The following SLIT3 variants were observed in gnomAD, a reference collection of about 807,000 sequenced individuals.
SLIT3 encodes slit homolog 3 protein.
A neutral mutation model predicts 184.0 loss-of-function variants in SLIT3; 68 were observed. The ratio of observed to expected loss-of-function variants is 0.37; its 90% confidence interval spans 0.30 to 0.45. The LOEUF (loss-of-function observed/expected upper bound fraction) is 0.45, where lower values mean the gene tolerates loss of function less well. Ranked by LOEUF, SLIT3 falls within the 20% of genes least tolerant of loss-of-function variation. The probability of loss-of-function intolerance (pLI) is 1.00; values close to 1 mark genes in which losing one functional copy is unlikely to be tolerated. For missense variants in SLIT3, 1,707 were observed against 2,026.0 expected (o/e 0.84, Z 3.02); for synonymous variants, 831 against 828.6 (o/e 1.00, Z -0.05).
chr5:169,076,437 C>T (rs1758744740), intron 4 of SLIT3, among the ~76,000 whole-genome samples: 1 of 152,214 alleles, frequency 6.6e-6, no homozygotes. Flanking sequence ...CCCTCTCCAT[C>T]TCCCTGCCTC....
At chr5:168,756,560 G>A (rs536170986) in intron 16 of SLIT3, among the ~76,000 whole-genome samples, 1 of 152,306 alleles carries the variant, frequency 6.6e-6, no homozygotes, top group South Asian at 2.1e-4. Context: ...CAGCAGACTC[G>A]CAGACTGGAT....
chr5:169,044,385 C>A (rs759102443), intron 4 of SLIT3, among the ~76,000 whole-genome samples: 12 of 152,018 alleles, frequency 7.9e-5, no homozygotes, highest in Non-Finnish European at 7.4e-5. Context: ...GTGGAACATG[C>A]AATGGAATAT....
At chr5:168,775,550 G>A (rs1393823847) in intron 12 of SLIT3, among the ~76,000 whole-genome samples, 2 of 151,950 alleles carry the variant, frequency 1.3e-5, no homozygotes, top group African/African-American at 4.8e-5. Flanking sequence ...TTCCCTCCTG[G>A]CACTCATCGC....
rs1241851585 is a variant in SLIT3, at chr5:168,844,756, C to T, written c.486-101G>A. ...GCCTGTCCCTCCACCCCCTTGCAGG[C>T]GCTGCTGGTCCCCGCCAGGAGCTCG... On this transcript the variant is annotated intron_variant, in intron 5 of 35. Coordinates refer to ENST00000519560, the MANE Select transcript of SLIT3 (RefSeq NM_003062.4). 7 of 1,005,814 alleles carry T rather than the reference C, an allele frequency of 7.0e-6. No individual in the cohort carries two copies. The East Asian group carries it at 7.4e-5, about 11-fold the overall frequency. 62.3% of individuals were successfully genotyped at this position (1,005,814 alleles called of 1,614,324 possible).
chr5:169,109,082 T>G (rs1337303107), intron 4 of SLIT3, among the ~76,000 whole-genome samples: 16 of 152,192 alleles, frequency 1.1e-4, no homozygotes, highest in East Asian at 5.8e-4. Context: ...GGGATGTCAC[T>G]CTTTTGATGA....
chr5:169,041,356 A>T (rs2113023852), intron 4 of SLIT3, among the ~76,000 whole-genome samples: 1 of 152,278 alleles, frequency 6.6e-6, no homozygotes, highest in African/African-American at 2.4e-5. Flanking sequence ...ACAAACATGC[A>T]CACAGGTAAT....
intron 11 of SLIT3, among the ~76,000 whole-genome samples, chr5:168,788,048 T>A (rs1433089399): frequency 6.6e-6 from 1 of 152,096 alleles, no homozygotes; most frequent in African/African-American, 2.4e-5. Flanking sequence ...AGCATGCCAA[T>A]TTCATGTTTG....
intron 1 of SLIT3, among the ~76,000 whole-genome samples, chr5:169,293,406 T>G (rs1006645712): frequency 6.6e-6 from 1 of 151,984 alleles, no homozygotes; most frequent in African/African-American, 2.4e-5. Context: ...CTTCGTGTGG[T>G]TGGAACTTGG....
At chr5:168,985,756 C>T (rs1049553002) in intron 4 of SLIT3, among the ~76,000 whole-genome samples, 3 of 152,170 alleles carry the variant, frequency 2.0e-5, no homozygotes, top group South Asian at 4.2e-4. Context: ...CTGTGGTGGC[C>T]GTCTTGCTAC....
intron 9 of SLIT3, among the ~76,000 whole-genome samples, chr5:168,799,876 A>T (rs1365114513): frequency 6.6e-6 from 1 of 152,096 alleles, no homozygotes; most frequent in Non-Finnish European, 1.5e-5. Context: ...CAATTTTCCT[A>T]AGGTCAGGTA....
intron 4 of SLIT3, among the ~76,000 whole-genome samples, chr5:168,964,064 G>C (rs947488136): frequency 6.6e-6 from 1 of 152,106 alleles, no homozygotes; most frequent in African/African-American, 2.4e-5. Context: ...GAAATGCAGG[G>C]GGCTACATAA....
chr5:168,909,505 A>C (rs1761186091), intron 4 of SLIT3, among the ~76,000 whole-genome samples: 1 of 152,142 alleles, frequency 6.6e-6, no homozygotes, highest in African/African-American at 2.4e-5. Flanking sequence ...GCCTCCTAAC[A>C]CTAAGGCCCC....
intron 29 of SLIT3, among the ~76,000 whole-genome samples, chr5:168,691,259 C>T (rs895789822): frequency 5.3e-5 from 8 of 152,212 alleles, no homozygotes; most frequent in African/African-American, 9.6e-5. Context: ...AACTAGAACT[C>T]CTGCTTCTTA....
At chr5:168,776,721 G>A (rs146069922) in intron 12 of SLIT3, among the ~76,000 whole-genome samples, 74 of 152,212 alleles carry the variant, frequency 4.9e-4, no homozygotes, top group Non-Finnish European at 7.8e-4. Context: ...CTGCATTTTG[G>A]GGGCATTTGA....
intron 4 of SLIT3, among the ~76,000 whole-genome samples, chr5:168,911,096 C>T (rs1761237387): frequency 6.6e-6 from 1 of 152,160 alleles, no homozygotes; most frequent in Non-Finnish European, 1.5e-5. Context: ...TGCCAGCCTC[C>T]TCTCTCTGCC....
intron 4 of SLIT3, among the ~76,000 whole-genome samples, chr5:169,050,315 GC>G (rs1757771354): frequency 6.6e-6 from 1 of 152,100 alleles, no homozygotes. Context: ...AGTTTTATTT[GC>G]CCATTATCAG....
chr5:169,163,959 G>A (rs921084881), intron 4 of SLIT3, among the ~76,000 whole-genome samples: 11 of 152,176 alleles, frequency 7.2e-5, no homozygotes, highest in Non-Finnish European at 1.5e-4. Flanking sequence ...TGTCCATGGG[G>A]CAGAGGGCAG....
chr5:168,760,798 A>T (rs1755119612), intron 16 of SLIT3, 64 bp downstream of exon 16: 1 of 1,221,404 alleles, frequency 8.2e-7, no homozygotes, highest in East Asian at 2.3e-5. Context: ...TGGTTCCTCT[A>T]GTCTAGAACA....
At chr5:169,144,265 T>C (rs1761853362) in intron 4 of SLIT3, among the ~76,000 whole-genome samples, 1 of 152,188 alleles carries the variant, frequency 6.6e-6, no homozygotes, top group Admixed American at 6.5e-5. Context: ...AGAATGCTCC[T>C]TCCCTCCCAT....
Sources: allele counts gnomAD v4.1 joint callset (sites outside exome capture counted in the v4.1 genomes callset), GRCh38; gene constraint gnomAD v4.1.1; transcripts MANE v1.5; gene names NCBI Gene and HGNC (gene_info 2026-07-23, HGNC 2026-07-21).